COL23A1: variants seen among roughly 807,000 people sequenced by gnomAD.
COL23A1 encodes collagen type XXIII alpha 1 chain, also known as collagen alpha-1(XXIII) chain.
A neutral mutation model predicts 99.3 loss-of-function variants in COL23A1; 97 were observed. The ratio of observed to expected loss-of-function variants is 0.98; its 90% CI spans 0.83 to 1.16. The LOEUF is 1.16. Ranked by LOEUF, COL23A1 falls within the 50% of genes most tolerant of loss-of-function variation. COL23A1 has a pLI of 0.00. For synonymous variants in COL23A1, 320 were observed against 308.2 expected, an observed-to-expected ratio of 1.04 and a Z score of -0.40; for missense variants, 762 against 757.4, an observed-to-expected ratio of 1.01 and a Z score of -0.07.
At position 178,265,704 on chromosome 5, in the gene COL23A1, G is replaced by A. The variant is rs1338221530; in HGVS notation, c.522+1603C>T. ...GTGATGGTCTCTACTTATAAAGCCC[G>A]GATTGAGCCGTGGGAAAACCATCTA... is the stretch of plus-strand genomic sequence containing the variant. On this transcript the variant is annotated intron_variant, in intron 8 of 28. Transcript: ENST00000390654. 5.1e-6 allele frequency: 5 copies of A among 985,768 alleles called. 1 individual carries two copies. The highest frequency in any genetic ancestry group is 1.1e-4 in the East Asian group (1 of 8,828). 61.1% of individuals were successfully genotyped at this position (985,768 alleles called of 1,614,324 possible).
rs533192666 is a variant in COL23A1, at chr5:178,363,700, C to T, written c.362-56781G>A. Among the ~76,000 whole-genome samples, 18 of 152,340 alleles carry T rather than the reference C, an allele frequency of 1.2e-4. No homozygotes were observed. The South Asian group carries it at 2.5e-3, about 21-fold the overall frequency. ...GCCGATGGCTGCTTCACCTCCCCACCGGCTGTGGGTGTCGGCTGCAGGTCT... is the reference window on the plus strand; with the variant it reads ...GCCGATGGCTGCTTCACCTCCCCACTGGCTGTGGGTGTCGGCTGCAGGTCT... On this transcript the variant is annotated intron_variant, in intron 2 of 28. Coordinates refer to ENST00000390654, the MANE Select transcript of COL23A1 (RefSeq NM_173465.4).
intron 2 of COL23A1, among the ~76,000 whole-genome samples, chr5:178,477,093 A>G (rs1312662743): frequency 6.6e-6 from 1 of 152,226 alleles, no homozygotes; most frequent in Non-Finnish European, 1.5e-5. Flanking sequence ...GGGGCTCTGT[A>G]AGCAATGACG....
intron 2 of COL23A1, among the ~76,000 whole-genome samples, chr5:178,386,583 G>A (rs1763686182): frequency 6.6e-6 from 1 of 152,102 alleles, no homozygotes; most frequent in African/African-American, 2.4e-5. Flanking sequence ...TGTGTCACCA[G>A]AGGGGGGTCG....
At chr5:178,410,172 G>A (rs1316953248) in intron 2 of COL23A1, among the ~76,000 whole-genome samples, 2 of 152,188 alleles carry the variant, frequency 1.3e-5, no homozygotes, top group African/African-American at 4.8e-5. Context: ...TAGAATATAG[G>A]ACGAAGGATA....
intron 2 of COL23A1, among the ~76,000 whole-genome samples, chr5:178,369,859 G>A (rs916199042): frequency 7.9e-5 from 12 of 152,144 alleles, no homozygotes; most frequent in African/African-American, 2.9e-4. Context: ...AGTTCAGCAG[G>A]GTAGAATGAA....
At chr5:178,411,776 A>G (rs1388834226) in intron 2 of COL23A1, among the ~76,000 whole-genome samples, 1 of 152,236 alleles carries the variant, frequency 6.6e-6, no homozygotes, top group Non-Finnish European at 1.5e-5. Context: ...TTTGTGCTAT[A>G]TGAATTTCAC....
At chr5:178,385,892 GA>G (rs1369084084) in intron 2 of COL23A1, among the ~76,000 whole-genome samples, 1 of 152,062 alleles carries the variant, frequency 6.6e-6, no homozygotes, top group Non-Finnish European at 1.5e-5. Flanking sequence ...TTTAGTCTGG[GA>G]TTTCATACAA....
chr5:178,543,756 A>C (rs560867180), intron 2 of COL23A1, among the ~76,000 whole-genome samples: 1 of 152,132 alleles, frequency 6.6e-6, no homozygotes, highest in Admixed American at 6.6e-5. Flanking sequence ...AATACTATGA[A>C]TTGCATGGCT....
chr5:178,550,876 T>C (rs1011652641), intron 2 of COL23A1, among the ~76,000 whole-genome samples: 78 of 152,298 alleles, frequency 5.1e-4, no homozygotes, highest in African/African-American at 1.8e-3. Flanking sequence ...GATTCTCCAC[T>C]ACAATTAAAC....
At chr5:178,484,561 C>CG (rs1757508855) in intron 2 of COL23A1, among the ~76,000 whole-genome samples, 1 of 151,950 alleles carries the variant, frequency 6.6e-6, no homozygotes, top group African/African-American at 2.4e-5. Context: ...TGGTGGCTCA[C>CG]GCCTGTAATC....
chr5:178,491,648 A>G (rs1488364414), intron 2 of COL23A1, among the ~76,000 whole-genome samples: 1 of 152,142 alleles, frequency 6.6e-6, no homozygotes, highest in African/African-American at 2.4e-5. Flanking sequence ...GCCTGGGGCA[A>G]GGGAGATTCC....
intron 2 of COL23A1, among the ~76,000 whole-genome samples, chr5:178,322,672 C>T (rs1759394606): frequency 6.6e-6 from 1 of 152,164 alleles, no homozygotes. Flanking sequence ...ACTTCTCACA[C>T]CTCACTTTCC....
chr5:178,276,226 C>G (rs1756577571), intron 5 of COL23A1, among the ~76,000 whole-genome samples: 1 of 152,188 alleles, frequency 6.6e-6, no homozygotes, highest in South Asian at 2.1e-4. Context: ...GACTGCGGCC[C>G]AGCACTCCCC....
At chr5:178,333,267 T>TA (rs1760137763) in intron 2 of COL23A1, among the ~76,000 whole-genome samples, 1 of 152,194 alleles carries the variant, frequency 6.6e-6, no homozygotes, top group Admixed American at 6.5e-5. Flanking sequence ...ACTCATGTTT[T>TA]AAAAAACACC....
chr5:178,509,503 G>C (rs758299614), intron 2 of COL23A1, among the ~76,000 whole-genome samples: 23 of 152,194 alleles, frequency 1.5e-4, no homozygotes, highest in Admixed American at 3.3e-4. Flanking sequence ...TTACAGGCGT[G>C]AGCCACCGTG....
intron 10 of COL23A1, 27 bp downstream of exon 10, chr5:178,262,190 G>A: frequency 6.4e-7 from 1 of 1,572,288 alleles, no homozygotes; most frequent in Non-Finnish European, 8.6e-7. Flanking sequence ...TAGCAGCCCA[G>A]GCCTCTGGAA....
intron 5 of COL23A1, among the ~76,000 whole-genome samples, chr5:178,273,793 T>C (rs1295561124): frequency 2.0e-5 from 3 of 152,150 alleles, no homozygotes; most frequent in South Asian, 2.1e-4. Flanking sequence ...TGGGTGGGTA[T>C]GGTCACTGAG....
chr5:178,297,933 C>G (rs1013258345), intron 3 of COL23A1, among the ~76,000 whole-genome samples: 1 of 152,184 alleles, frequency 6.6e-6, no homozygotes, highest in Admixed American at 6.5e-5. Flanking sequence ...CTGCAGCAAG[C>G]TGGGCATCCA....
intron 2 of COL23A1, among the ~76,000 whole-genome samples, chr5:178,449,667 C>T (rs773964728): frequency 2.0e-5 from 3 of 152,004 alleles, no homozygotes; most frequent in Non-Finnish European, 4.4e-5. Flanking sequence ...CGCACCTCCC[C>T]CACCCCACCC....
Sources: gnomAD v4.1 joint callset for allele counts (sites outside exome capture counted in the v4.1 genomes callset) on GRCh38, gnomAD v4.1.1 for gene constraint, MANE v1.5 for transcripts, NCBI Gene and HGNC (gene_info 2026-07-23, HGNC 2026-07-21) for gene names.